Variants in CNTN3 observed in about 807,000 individuals in gnomAD.
CNTN3 encodes the protein contactin-3.
In CNTN3, 60 loss-of-function variants were observed where a neutral mutation model predicts 119.1. The observed-to-expected ratio is 0.50, with a 90% confidence interval of 0.41 to 0.62. CNTN3 has a LOEUF of 0.62. Ranked by LOEUF, CNTN3 falls within the 20% of genes least tolerant of loss-of-function variation. The pLI is 0.00. For missense variants in CNTN3, 1,101 were observed against 1,242.4 expected, an observed-to-expected ratio of 0.89 and a Z score of 1.71; for synonymous variants, 450 against 438.7, an observed-to-expected ratio of 1.03 and a Z score of -0.32.
intron 5 of CNTN3, among the ~76,000 whole-genome samples, chr3:74,389,703 G>C (rs1704845186): frequency 6.6e-6 from 1 of 152,034 alleles, no homozygotes; most frequent in Non-Finnish European, 1.5e-5. Flanking sequence ...GGCATAATAA[G>C]TGGGGGAAGC....
intron 5 of CNTN3, among the ~76,000 whole-genome samples, chr3:74,403,933 A>G (rs960367347): frequency 2.0e-5 from 3 of 151,774 alleles, no homozygotes; most frequent in East Asian, 1.9e-4. Flanking sequence ...CTTGTAAAAC[A>G]ATTTTCTACT....
chr3:74,598,836 G>T lies in CNTN3; in HGVS notation c.-81+15555C>A, dbSNP rs183181885. On this transcript the variant is annotated intron_variant, in intron 1 of 22. Coordinates refer to ENST00000263665, the MANE Select transcript of CNTN3 (RefSeq NM_020872.3). ...AGATCCAGGTAGTGTGCTGGGCACAGGTGACCAGCATTCAGAGAAATTTCG... is the reference window on the plus strand; with the variant it reads ...AGATCCAGGTAGTGTGCTGGGCACATGTGACCAGCATTCAGAGAAATTTCG... Among the ~76,000 whole-genome samples, 6 of 151,948 alleles carry T rather than the reference G, an allele frequency of 3.9e-5. No individual in the cohort carries two copies. The East Asian group carries it at 1.2e-3, about 30-fold the overall frequency.
rs151010948 is a variant in CNTN3 at position 74,320,330 on chromosome 3, A to G, written c.1668+14405T>C. On this transcript the variant is annotated intron_variant, in intron 13 of 22. Coordinates refer to ENST00000263665, the MANE Select transcript of CNTN3 (RefSeq NM_020872.3). ...TGGCACATATACATCATGGAATACT[A>G]TGCAGCCATAAAAAATGAAGAACTC... Among the ~76,000 whole-genome samples, 149 of 152,346 alleles carry G rather than the reference A, an allele frequency of 9.8e-4. 1 individual carries two copies. The East Asian group carries it at 0.027, about 28-fold the overall frequency.
intron 1 of CNTN3, among the ~76,000 whole-genome samples, chr3:74,560,505 T>C (rs1189036010): frequency 6.6e-6 from 1 of 152,178 alleles, no homozygotes; most frequent in African/African-American, 2.4e-5. Context: ...CACATATTTA[T>C]AGAAATTTAG....
chr3:74,289,499 G>C (rs888354198), intron 19 of CNTN3, among the ~76,000 whole-genome samples: 2 of 151,812 alleles, frequency 1.3e-5, no homozygotes, highest in African/African-American at 2.4e-5. Flanking sequence ...GTGGCCACTG[G>C]GTCCCACACT....
intron 1 of CNTN3, among the ~76,000 whole-genome samples, chr3:74,524,908 A>C (rs1703594185): frequency 6.6e-6 from 1 of 151,832 alleles, no homozygotes; most frequent in African/African-American, 2.4e-5. Flanking sequence ...CTCGGGTTGC[A>C]CAAACAGAAA....
At chr3:74,506,009 T>G (rs1324809783) in intron 2 of CNTN3, among the ~76,000 whole-genome samples, 2 of 152,090 alleles carry the variant, frequency 1.3e-5, no homozygotes, top group Non-Finnish European at 2.9e-5. Context: ...TAGAAATAAA[T>G]GTTCAAGTAA....
intron 19 of CNTN3, 39 bp downstream of exon 19, chr3:74,295,082 G>A (rs765567565): frequency 9.8e-6 from 13 of 1,330,738 alleles, no homozygotes; most frequent in South Asian, 4.9e-5. Context: ...AAAGTGGCAC[G>A]GTAACACACA....
At chr3:74,334,370 G>A (rs535709107) in intron 13 of CNTN3, among the ~76,000 whole-genome samples, 6 of 152,136 alleles carry the variant, frequency 3.9e-5, no homozygotes, top group African/African-American at 1.4e-4. Flanking sequence ...GCACCTGGAG[G>A]AGACACTTAG....
chr3:74,404,739 TCTA>T (rs917404990), intron 5 of CNTN3, among the ~76,000 whole-genome samples: 3 of 151,998 alleles, frequency 2.0e-5, no homozygotes, highest in African/African-American at 7.2e-5. Context: ...ACAAGATTTT[TCTA>T]CTGTGTGTTT....
Position 74,486,532 on chromosome 3 carries a change from A to G in CNTN3, c.282T>C (p.Asp94=), listed in dbSNP as rs200260713. ...TTGCAAAACATTGGTAAGTTCCTGT[A>G]TCCCAATTTCTGTTGGGATTAATAA... is the stretch of plus-strand genomic sequence containing the variant. ...LVVINPNRNW[D]TGTYQCFATN... is the part of the protein sequence containing the mutation. The change falls in exon 4 of 23, where the codon GAT becomes GAC. Residue 94 remains aspartate, a synonymous_variant. Transcript: ENST00000263665. The G allele has an allele frequency of 8.7e-6, 14 of 1,610,380 alleles. No individual in the cohort carries two copies. The highest frequency in any genetic ancestry group is 1.2e-5 in the Non-Finnish European group (14 of 1,179,242).
chr3:74,418,979 TA>T (rs1701574505), intron 5 of CNTN3, among the ~76,000 whole-genome samples: 1 of 151,198 alleles, frequency 6.6e-6, no homozygotes. Flanking sequence ...TGTATTTTAG[TA>T]GCGGGGCAGT....
intron 4 of CNTN3, among the ~76,000 whole-genome samples, chr3:74,435,222 T>G (rs1305512342): frequency 6.6e-6 from 1 of 152,232 alleles, no homozygotes; most frequent in Non-Finnish European, 1.5e-5. Context: ...TTGTCTAGGC[T>G]GGAGTGCAGT....
intron 4 of CNTN3, among the ~76,000 whole-genome samples, chr3:74,444,631 C>G (rs1702020248): frequency 6.6e-6 from 1 of 152,072 alleles, no homozygotes; most frequent in African/African-American, 2.4e-5. Context: ...GTCCCCTTTC[C>G]CTACCCAAAC....
At chr3:74,612,859 G>T (rs1393836924) in intron 1 of CNTN3, among the ~76,000 whole-genome samples, 1 of 152,124 alleles carries the variant, frequency 6.6e-6, no homozygotes. Flanking sequence ...TTTCTTTAAT[G>T]AACATTCACA....
intron 1 of CNTN3, among the ~76,000 whole-genome samples, chr3:74,573,847 G>A (rs183765984): frequency 6.6e-6 from 1 of 151,864 alleles, no homozygotes; most frequent in Non-Finnish European, 1.5e-5. Flanking sequence ...TCATGGAAAT[G>A]TAAAATATAA....
chr3:74,336,589 G>C lies in CNTN3; in HGVS notation c.1434C>G (p.Thr478=). ...NVTKADAGTY[T]CMAENQFGKA... is the part of the protein sequence containing the mutation. ...TCCCAAACTGGTTTTCTGCCATGCA[G>C]GTGTAAGTTCCAGCATCAGCTTTAG... The change falls in exon 12 of 23, where the codon ACC becomes ACG. Residue 478 remains threonine, a synonymous_variant. Coordinates refer to ENST00000263665, the MANE Select transcript of CNTN3 (RefSeq NM_020872.3). 6.2e-7 allele frequency: 1 copy of C among 1,612,624 alleles called. No individual in the cohort carries two copies. The highest frequency in any genetic ancestry group is 1.3e-5 in the African/African-American group (1 of 74,992).
intron 3 of CNTN3, among the ~76,000 whole-genome samples, chr3:74,497,774 A>C (rs1703090272): frequency 6.6e-6 from 1 of 151,842 alleles, no homozygotes; most frequent in Admixed American, 6.6e-5. Context: ...TGCAACATAT[A>C]AATGCCAGGA....
intron 13 of CNTN3, among the ~76,000 whole-genome samples, chr3:74,310,809 G>T (rs1702667947): frequency 1.3e-5 from 2 of 152,168 alleles, no homozygotes; most frequent in African/African-American, 4.8e-5. Context: ...TGTTGGATAA[G>T]ATATGTTGCT....
Sources: gnomAD v4.1 joint callset for allele counts (sites outside exome capture counted in the v4.1 genomes callset) on GRCh38, gnomAD v4.1.1 for gene constraint, MANE v1.5 for transcripts, NCBI Gene and HGNC (gene_info 2026-07-23, HGNC 2026-07-21) for gene names.